PCSK6: variants seen among roughly 807,000 people sequenced by gnomAD.
PCSK6 encodes the protein paired basic amino acid cleaving enzyme 4.
PCSK6 carries 85 observed loss-of-function variants against 123.3 expected under a neutral mutation model. The observed-to-expected ratio is 0.69, with a 90% CI of 0.58 to 0.83. PCSK6 has a LOEUF of 0.83. Ranked by LOEUF, PCSK6 falls within the 40% of genes least tolerant of loss-of-function variation. The pLI, the probability that PCSK6 is intolerant of heterozygous loss-of-function variation, is 0.00. For synonymous variants in PCSK6, 508 were observed against 516.0 expected (o/e 0.98, Z 0.21); for missense variants, 1,191 against 1,282.3 (o/e 0.93, Z 1.09).
intron 13 of PCSK6, 108 bp from the exon 14 acceptor site, chr15:101,332,139 C>T: frequency 1.0e-6 from 1 of 1,004,882 alleles, no homozygotes; most frequent in East Asian, 2.6e-5. Context: ...TGGGCTCTGG[C>T]CTGCTACCTT....
Position 101,322,518 on chromosome 15 carries a change from A to AC in PCSK6, c.2465+1dup, listed in dbSNP as rs1334724992. 2 of 1,608,442 alleles carry AC rather than the reference A, an allele frequency of 1.2e-6. No homozygotes were observed. Among genetic ancestry groups the AC allele is most frequent in the Non-Finnish European group, 1.7e-6 (2 of 1,175,120 alleles). ...ATTCCTCAGGTTTCGAGGGGGTTTTACCTGAATCCTTCTTTACAGACAGTA... is the reference window on the plus strand; with the variant it reads ...ATTCCTCAGGTTTCGAGGGGGTTTTACCCTGAATCCTTCTTTACAGACAGTA... On this transcript the variant is annotated splice_donor_variant, in intron 18 of 21. Coordinates refer to ENST00000611716, the MANE Select transcript of PCSK6 (RefSeq NM_002570.5). LOFTEE classifies it high-confidence loss of function.
chr15:101,318,324 C>T lies in PCSK6; in HGVS notation c.2564G>A (p.Cys855Tyr). Residue 855 changes from cysteine to tyrosine, a missense_variant, in exon 19 of 22, where the codon TGC becomes TAC. Coordinates refer to ENST00000611716, the MANE Select transcript of PCSK6 (RefSeq NM_002570.5). The stretch of plus-strand genomic sequence containing the variant: ...TCCGCAGGCGGTGAACTCACCCACG[C>T]AGGTTCCGCAGGTGTGATGGCATTC... Reference protein sequence around the residue: ...CGECHHTCGTCVGPGREECIH... With the variant: ...CGECHHTCGTYVGPGREECIH... 1 of 1,555,518 alleles carries T rather than the reference C, an allele frequency of 6.4e-7. No homozygotes were observed. The highest frequency in any genetic ancestry group is 1.4e-5 in the African/African-American group (1 of 73,322).
intron 13 of PCSK6, among the ~76,000 whole-genome samples, chr15:101,342,915 AC>A: frequency 6.6e-6 from 1 of 152,010 alleles, no homozygotes; most frequent in South Asian, 2.1e-4. Flanking sequence ...AAAAAAAAAA[AC>A]CAAACTCTGG....
At chr15:101,384,478 C>T (rs965014111) in intron 9 of PCSK6, 53 bp from the exon 10 acceptor site, 10 of 1,503,390 alleles carry the variant, frequency 6.7e-6, no homozygotes, top group Non-Finnish European at 8.2e-6. Flanking sequence ...ACGGCAGCCA[C>T]ACAGGCCACT....
chr15:101,339,239 T>G lies in PCSK6; in HGVS notation c.1859-7208A>C, dbSNP rs930958836. The stretch of plus-strand genomic sequence containing the variant: ...TTTTCCTGGCTATAGGAGAAGTTAT[T>G]AACAATATAGAGTTTAATTAATTCT... On this transcript the variant is annotated intron_variant, in intron 13 of 21. Transcript: ENST00000611716. Among the ~76,000 whole-genome samples, 12 of 152,236 alleles carry G rather than the reference T, an allele frequency of 7.9e-5. 1 individual carries two copies. The highest frequency in any genetic ancestry group is 1.2e-4 in the Non-Finnish European group (8 of 68,038).
At chr15:101,469,462 C>G (rs554601155) in intron 1 of PCSK6, among the ~76,000 whole-genome samples, 1 of 152,156 alleles carries the variant, frequency 6.6e-6, no homozygotes, top group Non-Finnish European at 1.5e-5. Flanking sequence ...GGTGAAGTGC[C>G]GAGAGACCCT....
intron 15 of PCSK6, among the ~76,000 whole-genome samples, chr15:101,326,972 C>T (rs964235159): frequency 1.3e-5 from 2 of 152,136 alleles, no homozygotes; most frequent in Admixed American, 6.5e-5. Context: ...GTAGCCCCCC[C>T]GCAACTCGCT....
At chr15:101,379,846 G>C (rs1376349338) in intron 11 of PCSK6, among the ~76,000 whole-genome samples, 1 of 152,216 alleles carries the variant, frequency 6.6e-6, no homozygotes, top group Non-Finnish European at 1.5e-5. Context: ...CCTGCAGGCA[G>C]GCTCAGTGGC....
intron 6 of PCSK6, among the ~76,000 whole-genome samples, chr15:101,404,594 G>C (rs909122926): frequency 2.0e-5 from 3 of 152,200 alleles, no homozygotes; most frequent in Non-Finnish European, 4.4e-5. Flanking sequence ...TGGGGTCAGA[G>C]AGTCCTGGGG....
intron 13 of PCSK6, among the ~76,000 whole-genome samples, chr15:101,348,018 ATGTCCTGTCTTTCCTTGGGT>A (rs917666095): frequency 5.3e-5 from 8 of 152,188 alleles, no homozygotes; most frequent in African/African-American, 1.9e-4. Context: ...CATACACTTT[ATGTCCTGTCTTTCCTTGGGT>A]AAACCTTCCT....
Position 101,451,208 on chromosome 15 carries a change from G to C in PCSK6, c.298-7548C>G, listed in dbSNP as rs946072726. 2.0e-5 allele frequency among the ~76,000 whole-genome samples: 3 copies of C among 151,962 alleles called. No homozygotes were observed. The South Asian group carries it at 6.3e-4, about 32-fold the overall frequency. On this transcript the variant is annotated intron_variant, in intron 1 of 21. Coordinates refer to ENST00000611716, the MANE Select transcript of PCSK6 (RefSeq NM_002570.5). Reference sequence around the variant, plus strand: ...TTGAAGATCCTGAGGAATGGAGGAGGAAAGCCCAATCTACTTTACATGTTT... The same window carrying C: ...TTGAAGATCCTGAGGAATGGAGGAGCAAAGCCCAATCTACTTTACATGTTT...
At chr15:101,448,002 C>G (rs1430407901) in intron 1 of PCSK6, among the ~76,000 whole-genome samples, 2 of 152,266 alleles carry the variant, frequency 1.3e-5, no homozygotes, top group Non-Finnish European at 2.9e-5. Context: ...GTGTCCTCCC[C>G]TGACCTCCAT....
intron 13 of PCSK6, among the ~76,000 whole-genome samples, chr15:101,345,602 C>T (rs2040711576): frequency 6.6e-6 from 1 of 152,242 alleles, no homozygotes; most frequent in African/African-American, 2.4e-5. Context: ...CAATATTTTA[C>T]ACAGACTACA....
intron 1 of PCSK6, among the ~76,000 whole-genome samples, chr15:101,485,307 G>C (rs1238610761): frequency 6.6e-6 from 1 of 151,968 alleles, no homozygotes; most frequent in South Asian, 2.1e-4. Flanking sequence ...TTTTCTTAGT[G>C]ATTTATAGTT....
intron 2 of PCSK6, among the ~76,000 whole-genome samples, chr15:101,435,163 TG>T (rs1369414892): frequency 6.6e-6 from 1 of 152,110 alleles, no homozygotes; most frequent in African/African-American, 2.4e-5. Context: ...CTGGACACTC[TG>T]TGGAGGTCAG....
chr15:101,365,433 C>A (rs1358315836), intron 13 of PCSK6, among the ~76,000 whole-genome samples: 1 of 152,160 alleles, frequency 6.6e-6, no homozygotes, highest in Non-Finnish European at 1.5e-5. Context: ...TGTGAAGGAG[C>A]TGGACCTCTC....
chr15:101,458,107 C>G (rs2057237607), intron 1 of PCSK6, among the ~76,000 whole-genome samples: 1 of 152,238 alleles, frequency 6.6e-6, no homozygotes, highest in East Asian at 1.9e-4. Context: ...CCTGCTCTCT[C>G]AGAGGTCTCC....
intron 1 of PCSK6, among the ~76,000 whole-genome samples, chr15:101,477,156 G>A (rs1016025468): frequency 7.9e-5 from 12 of 152,198 alleles, no homozygotes; most frequent in Non-Finnish European, 1.8e-4. Context: ...TACAAGTTAC[G>A]CCATAGAAGA....
At chr15:101,352,137 ATTTTTTTTTTTTTT>A (rs56844456) in intron 13 of PCSK6, among the ~76,000 whole-genome samples, 2 of 97,012 alleles carry the variant, frequency 2.1e-5, no homozygotes, top group South Asian at 7.4e-4. Context: ...TATTTTTCTA[ATTTTTTTTTTTTTT>A]TTTTTTTTTT....
Sources: allele counts gnomAD v4.1 joint callset (sites outside exome capture counted in the v4.1 genomes callset), GRCh38; gene constraint gnomAD v4.1.1; transcripts MANE v1.5; gene names NCBI Gene and HGNC (gene_info 2026-07-23, HGNC 2026-07-21).